NBEA: variants seen among roughly 807,000 people sequenced by gnomAD.
NBEA encodes the protein neurobeachin, also known as lysosomal-trafficking regulator 2.
Under a neutral mutation model 343.4 loss-of-function variants are expected in NBEA, and 44 were observed. That is an observed-to-expected ratio of 0.13 (90% CI 0.10 to 0.16). NBEA has a LOEUF of 0.16. Among genes scored for constraint, NBEA ranks in the 10% least tolerant of loss-of-function variants. The pLI is 1.00. For synonymous variants in NBEA, 1,175 were observed against 1,238.7 expected, an observed-to-expected ratio of 0.95 and a Z score of 1.08; for missense variants, 2,555 against 3,631.3, an observed-to-expected ratio of 0.70 and a Z score of 7.62.
At chr13:35,030,142 T>G (rs1194121226) in intron 1 of NBEA, among the ~76,000 whole-genome samples, 1 of 151,738 alleles carries the variant, frequency 6.6e-6, no homozygotes, top group East Asian at 1.9e-4. Flanking sequence ...GTTTTTTATT[T>G]AGCTTTTTCA....
intron 38 of NBEA, among the ~76,000 whole-genome samples, chr13:35,357,133 C>G (rs760202425): frequency 4.9e-4 from 74 of 152,030 alleles, no homozygotes; most frequent in Non-Finnish European, 8.1e-4. Context: ...AATTTCCATA[C>G]ACATGTATCA....
chr13:35,450,551 T>A (rs1295590785), intron 39 of NBEA, among the ~76,000 whole-genome samples: 2 of 152,150 alleles, frequency 1.3e-5, no homozygotes, highest in Non-Finnish European at 2.9e-5. Flanking sequence ...GGAAGTTCTA[T>A]GGTCTGGGCC....
At chr13:35,053,305 C>T (rs1441141485) in intron 6 of NBEA, among the ~76,000 whole-genome samples, 3 of 152,072 alleles carry the variant, frequency 2.0e-5, no homozygotes, top group Admixed American at 6.6e-5. Flanking sequence ...GCTAAACCTA[C>T]ACACTGAGGA....
chr13:35,522,094 T>C lies in NBEA; in HGVS notation c.6586-28383T>C, dbSNP rs118087541. On this transcript the variant is annotated intron_variant, in intron 41 of 58. Transcript: ENST00000379939. ...AGAACAGCAGGGATTCAAGGGGATG[T>C]AGAGCAGTGGTATGAGGGGAACCCA... Among the ~76,000 whole-genome samples, 722 of 152,100 alleles carry C rather than the reference T, an allele frequency of 4.7e-3. 4 individuals are homozygous for C. The highest frequency in any genetic ancestry group is 8.5e-3 in the Non-Finnish European group (575 of 67,984).
intron 48 of NBEA, among the ~76,000 whole-genome samples, chr13:35,619,722 G>T (rs985665111): frequency 6.6e-6 from 1 of 152,130 alleles, no homozygotes; most frequent in African/African-American, 2.4e-5. Flanking sequence ...CTCAAGGTTT[G>T]TTCAAGTCAT....
At chr13:35,222,677 G>A (rs1287303636) in intron 33 of NBEA, among the ~76,000 whole-genome samples, 1 of 151,728 alleles carries the variant, frequency 6.6e-6, no homozygotes, top group Non-Finnish European at 1.5e-5. Flanking sequence ...GCTTCTCTAC[G>A]ACTTACAATA....
chr13:35,145,204 A>G (rs1371716564), intron 18 of NBEA, among the ~76,000 whole-genome samples: 2 of 152,214 alleles, frequency 1.3e-5, no homozygotes, highest in Non-Finnish European at 2.9e-5. Context: ...AGAGCTTCAT[A>G]CAGTAGCTTA....
intron 1 of NBEA, among the ~76,000 whole-genome samples, chr13:35,007,217 A>G (rs181694128): frequency 2.6e-5 from 4 of 152,006 alleles, no homozygotes; most frequent in East Asian, 1.9e-4. Context: ...TCTTTCTCCT[A>G]TCCTTCATGA....
intron 38 of NBEA, among the ~76,000 whole-genome samples, chr13:35,372,115 C>A (rs1328702809): frequency 6.6e-6 from 1 of 152,124 alleles, no homozygotes; most frequent in Non-Finnish European, 1.5e-5. Flanking sequence ...TGGGTGCCAG[C>A]AGTGGCAGCA....
At chr13:34,998,974 A>T (rs999482733) in intron 1 of NBEA, among the ~76,000 whole-genome samples, 1 of 152,126 alleles carries the variant, frequency 6.6e-6, no homozygotes, top group South Asian at 2.1e-4. Flanking sequence ...AATTATAAAA[A>T]TATTAATTTG....
At chr13:35,233,220 A>T (rs2075067055) in intron 34 of NBEA, among the ~76,000 whole-genome samples, 1 of 152,178 alleles carries the variant, frequency 6.6e-6, no homozygotes, top group Non-Finnish European at 1.5e-5. Context: ...TCTGAGCTTC[A>T]GAAAGAATTA....
intron 36 of NBEA, among the ~76,000 whole-genome samples, chr13:35,319,533 T>G (rs759554571): frequency 4.6e-5 from 7 of 152,236 alleles, no homozygotes; most frequent in Non-Finnish European, 7.3e-5. Flanking sequence ...AATTTTAGAA[T>G]AAGTGCAGTG....
intron 41 of NBEA, among the ~76,000 whole-genome samples, chr13:35,484,834 A>C (rs985425403): frequency 3.3e-5 from 5 of 152,058 alleles, no homozygotes; most frequent in African/African-American, 4.8e-5. Flanking sequence ...TAATAATATA[A>C]AACCCCTGTT....
chr13:35,649,950 T>A, intron 52 of NBEA, 103 bp downstream of exon 52: 3 of 1,110,652 alleles, frequency 2.7e-6, no homozygotes, highest in Admixed American at 5.4e-5. Context: ...CCACATTATC[T>A]ACAAAAAACA....
Position 35,109,399 on chromosome 13 carries a change from A to G in NBEA, c.1790A>G (p.His597Arg). ...CCTTTGCTGAAGCAGCTTTGTGATC[A>G]CATTTTATTTAACCCAGCCATCTGG... is the stretch of plus-strand genomic sequence containing the variant. ...GAPLLKQLCDHILFNPAIWIH... is the reference protein window; with the variant it reads ...GAPLLKQLCDRILFNPAIWIH... The change falls in exon 12 of 59, where the codon CAC (histidine) becomes CGC (arginine). Residue 597 changes from histidine (H) to arginine (R), a missense_variant. Around this residue, in one of 21 missense-constraint regions of NBEA, gnomAD observed 360 missense variants for 519.1 expected, o/e 0.69. Transcript: ENST00000379939. 4 of 1,611,886 alleles carry G rather than the reference A, an allele frequency of 2.5e-6. No homozygotes were observed. The highest frequency in any genetic ancestry group is 3.4e-6 in the Non-Finnish European group (4 of 1,178,918).
intron 49 of NBEA, among the ~76,000 whole-genome samples, chr13:35,638,129 G>A (rs2083781582): frequency 6.6e-6 from 1 of 152,110 alleles, no homozygotes; most frequent in African/African-American, 2.4e-5. Flanking sequence ...GCGAGTTTTT[G>A]TTTAATAAAT....
At chr13:35,554,689 T>C (rs1290379327) in intron 43 of NBEA, among the ~76,000 whole-genome samples, 1 of 152,216 alleles carries the variant, frequency 6.6e-6, no homozygotes, top group Non-Finnish European at 1.5e-5. Context: ...ACTTGATTTA[T>C]CTTAAGTATA....
At chr13:35,341,153 G>A (rs921949151) in intron 36 of NBEA, among the ~76,000 whole-genome samples, 1 of 151,958 alleles carries the variant, frequency 6.6e-6, no homozygotes, top group Non-Finnish European at 1.5e-5. Context: ...CCTTACCATT[G>A]TTGAAAAGAC....
chr13:35,366,603 GTTCA>G (rs1258238047), intron 38 of NBEA, among the ~76,000 whole-genome samples: 4 of 149,220 alleles, frequency 2.7e-5, no homozygotes, highest in Non-Finnish European at 6.0e-5. Flanking sequence ...ATTTTCTCTA[GTTCA>G]TTCATTTTAA....
Sources: gnomAD v4.1 joint callset for allele counts (sites outside exome capture counted in the v4.1 genomes callset) on GRCh38, gnomAD v4.1.1 for gene constraint, gnomAD v4.1.1 regional missense constraint, MANE v1.5 for transcripts, NCBI Gene and HGNC (gene_info 2026-07-23, HGNC 2026-07-21) for gene names.